The following DDX31 variants were observed in gnomAD, a reference collection of about 807,000 sequenced individuals.
DDX31 encodes DEAD-box helicase 31.
A neutral mutation model predicts 91.3 loss-of-function variants in DDX31; 70 were observed. That is an observed-to-expected ratio of 0.77 (90% confidence interval 0.63 to 0.94). The LOEUF (loss-of-function observed/expected upper bound fraction) is 0.94. Among genes scored for constraint, DDX31 ranks in the 40% least tolerant of loss-of-function variants. The pLI, the probability that DDX31 is intolerant of heterozygous loss-of-function variation, is 0.00. For missense variants in DDX31, 902 were observed against 925.0 expected (o/e 0.98, Z 0.32); for synonymous variants, 362 against 350.6 (o/e 1.03, Z -0.36).
chr9:132,594,903 C>T lies in DDX31; in HGVS notation c.2204G>A (p.Gly735Asp). 1 of 1,614,070 alleles carries T rather than the reference C, an allele frequency of 6.2e-7. No homozygotes were observed. Among genetic ancestry groups the T allele is most frequent in the Non-Finnish European group, 8.5e-7 (1 of 1,180,026 alleles). ...KTLKWRKTQKGVQRDSKTSQK... is the reference protein window; with the variant it reads ...KTLKWRKTQKDVQRDSKTSQK... ...GGAAGTCTTGCTGTCCCGCTGTACACCTTTTTGGGTTTTTCTCCATTTTAA... is the reference window on the plus strand; with the variant it reads ...GGAAGTCTTGCTGTCCCGCTGTACATCTTTTTGGGTTTTTCTCCATTTTAA... The change falls in exon 20 of 20, where the codon GGT (glycine) becomes GAT (aspartate). Residue 735 changes from glycine to aspartate, a missense_variant. Coordinates refer to ENST00000372159, the MANE Select transcript of DDX31 (RefSeq NM_022779.9).
intron 13 of DDX31, among the ~76,000 whole-genome samples, chr9:132,645,153 C>T (rs1408912295): frequency 6.6e-6 from 1 of 152,166 alleles, no homozygotes; most frequent in Non-Finnish European, 1.5e-5. Flanking sequence ...GGCAAAATGG[C>T]TCCTATTTCG....
intron 16 of DDX31, among the ~76,000 whole-genome samples, chr9:132,628,440 T>C (rs1247290579): frequency 3.3e-5 from 5 of 152,002 alleles, no homozygotes; most frequent in African/African-American, 9.7e-5. Flanking sequence ...GACAAGATCA[T>C]CACAGCAGAT....
At chr9:132,617,681 A>G (rs935633109) in intron 18 of DDX31, among the ~76,000 whole-genome samples, 5 of 152,174 alleles carry the variant, frequency 3.3e-5, no homozygotes, top group African/African-American at 1.2e-4. Flanking sequence ...TGGCCAAGAC[A>G]TCCCATGATA....
At position 132,594,511 on chromosome 9, in the gene DDX31, A is replaced by G. The variant is rs1830335386; in HGVS notation, c.*355T>C. The stretch of plus-strand genomic sequence containing the variant: ...CAGAACACAGTTAAGGGCAGCAATC[A>G]AGCCCGTTCCAGGCTGACGCGCAGG... On this transcript the variant is annotated 3_prime_UTR_variant, in exon 20 of 20. Coordinates refer to ENST00000372159, the MANE Select transcript of DDX31 (RefSeq NM_022779.9). 1 of 214,382 alleles carries G rather than the reference A, an allele frequency of 4.7e-6. No individual in the cohort carries two copies. Among genetic ancestry groups the G allele is most frequent in the Non-Finnish European group, 9.4e-6 (1 of 106,492 alleles). 13.3% of individuals were successfully genotyped at this position (214,382 alleles called of 1,614,324 possible).
At chr9:132,601,190 A>C (rs1401250164) in intron 19 of DDX31, among the ~76,000 whole-genome samples, 1 of 152,198 alleles carries the variant, frequency 6.6e-6, no homozygotes, top group Non-Finnish European at 1.5e-5. Context: ...CATGTCTACC[A>C]CATCTGCAGG....
At chr9:132,637,585 C>CA (rs1023658829) in intron 14 of DDX31, among the ~76,000 whole-genome samples, 2 of 152,210 alleles carry the variant, frequency 1.3e-5, no homozygotes, top group Non-Finnish European at 2.9e-5. Flanking sequence ...GACGCCTTCC[C>CA]GGCCTGCCAA....
In DDX31 at chr9:132,595,233, G is replaced by T; in HGVS notation, c.1995-121C>A. The T allele has an allele frequency of 8.3e-7, 1 of 1,201,694 alleles. No homozygotes were observed. Among genetic ancestry groups the T allele is most frequent in the Non-Finnish European group, 1.1e-6 (1 of 871,098 alleles). 74.4% of individuals were successfully genotyped at this position (1,201,694 alleles called of 1,614,324 possible). On this transcript the variant is annotated intron_variant, in intron 19 of 19. Coordinates refer to ENST00000372159, the MANE Select transcript of DDX31 (RefSeq NM_022779.9). The surrounding 1 kb of genome is among the most constrained non-coding windows in gnomAD (Gnocchi z 4.6). ...AGCTGACATTTTTGTATTAACAGAA[G>T]TACAATCCCTTCAATAGTACTTGTT...
chr9:132,632,272 A>ACACACACACACACACACACACAGTCCTG (rs1832827853), intron 14 of DDX31, among the ~76,000 whole-genome samples, 181 bp from the exon 15 acceptor site: 1 of 146,716 alleles, frequency 6.8e-6, no homozygotes, highest in Non-Finnish European at 1.5e-5. Context: ...ACACACACAC[A>ACACACACACACACACACACACAGTCCTG]CACACACACA....
rs1320188562 is a variant in DDX31, at chr9:132,642,140, C to CT, written c.1381-78dup. The stretch of plus-strand genomic sequence containing the variant: ...AAGGTAGGCTTACATCTCCCTAGCT[C>CT]TCTCCATCTCCTACTGCTAGAGCTA... On this transcript the variant is annotated intron_variant, in intron 13 of 19. Transcript: ENST00000372159. The CT allele has an allele frequency of 2.4e-6, 3 of 1,267,250 alleles. No homozygotes were observed. The Admixed American group carries it at 5.3e-5, about 22-fold the overall frequency. 78.5% of individuals were successfully genotyped at this position (1,267,250 alleles called of 1,614,324 possible). A position where few individuals can be genotyped will look rare whatever the true frequency, so the allele number is the denominator to read the frequency against.
chr9:132,643,012 C>T (rs759143555), intron 13 of DDX31, among the ~76,000 whole-genome samples: 4 of 152,166 alleles, frequency 2.6e-5, no homozygotes, highest in African/African-American at 4.8e-5. Flanking sequence ...TCTGAAGAGA[C>T]GAGGTTTTGC....
chr9:132,622,270 A>C (rs544766219), intron 17 of DDX31, among the ~76,000 whole-genome samples: 2 of 151,206 alleles, frequency 1.3e-5, no homozygotes, highest in Non-Finnish European at 3.0e-5. Context: ...ACTCAAACTC[A>C]TATCTATCTG....
chr9:132,639,280 C>T (rs306533), intron 14 of DDX31, among the ~76,000 whole-genome samples: 1,878 of 152,160 alleles, frequency 0.012, 33 homozygotes, highest in African/African-American at 0.036. Flanking sequence ...GACTGGGAAC[C>T]GGCCCTCCTG....
In DDX31 at chr9:132,613,300, A is replaced by G. The variant is rs553579487; in HGVS notation, c.1826-1045T>C. On this transcript the variant is annotated intron_variant, in intron 18 of 19. Transcript: ENST00000372159. ...AATGAAACAAATGTTTAAAGGAGAA[A>G]GAAAACTACTAAGTCTCTAAAATAG... Among the ~76,000 whole-genome samples the G allele has an allele frequency of 1.3e-3, 195 of 152,414 alleles. 1 individual carries two copies. Among genetic ancestry groups the G allele is most frequent in the Middle Eastern group, 3.4e-3 (1 of 294 alleles).
At chr9:132,640,262 G>A (rs1488339401) in intron 14 of DDX31, among the ~76,000 whole-genome samples, 2 of 152,122 alleles carry the variant, frequency 1.3e-5, no homozygotes, top group Non-Finnish European at 2.9e-5. Context: ...TAAAATTTAA[G>A]GGGAGACCTA....
intron 4 of DDX31, among the ~76,000 whole-genome samples, chr9:132,660,206 G>A (rs925917176): frequency 3.9e-5 from 6 of 151,918 alleles, no homozygotes; most frequent in Middle Eastern, 3.4e-3. Context: ...GTGATGGCAC[G>A]CACTTGTAAT....
chr9:132,665,890 C>A (rs1355365166), intron 1 of DDX31, among the ~76,000 whole-genome samples: 1 of 152,190 alleles, frequency 6.6e-6, no homozygotes, highest in East Asian at 1.9e-4. Context: ...GTCCCAGAAT[C>A]ACTGAAGGAA....
chr9:132,616,207 C>T (rs138013173), intron 18 of DDX31, among the ~76,000 whole-genome samples: 66 of 152,206 alleles, frequency 4.3e-4, no homozygotes, highest in Non-Finnish European at 7.4e-4. Context: ...CTGTAAGAGG[C>T]GGTGTTGTCC....
chr9:132,646,972 C>T lies in DDX31; in HGVS notation c.1054G>A (p.Asp352Asn), dbSNP rs1833878197. ...GGACAGACCTCCTGGACCGCTTTGT[C>T]CTTTGGGTTCAACTGGTCATGGCTC... ...DKSHDQLNPK[D>N]KAVQEVCPPP... Residue 352 changes from aspartate to asparagine, a missense_variant, in exon 12 of 20, where the codon GAC becomes AAC. By Grantham distance (23) the Asp-to-Asn change is conservative. Transcript: ENST00000372159. 1.2e-6 allele frequency: 2 copies of T among 1,614,068 alleles called. No individual in the cohort carries two copies. Among genetic ancestry groups the T allele is most frequent in the African/African-American group, 1.3e-5 (1 of 74,918 alleles).
chr9:132,612,236 T>C lies in DDX31; in HGVS notation c.1845A>G (p.Gln615=), dbSNP rs966568781. ...WAKKALQSFI[Q]AYATYPRELK... is the part of the protein sequence containing the mutation. ...GCTCCCTGGGGTAGGTGGCGTAGGCTTGGATGAAGGACTGCAGAGCTGAAA... is the reference window on the plus strand; with the variant it reads ...GCTCCCTGGGGTAGGTGGCGTAGGCCTGGATGAAGGACTGCAGAGCTGAAA... The change falls in exon 19 of 20, where the codon CAA becomes CAG. Residue 615 remains glutamine, a synonymous_variant. Coordinates refer to ENST00000372159, the MANE Select transcript of DDX31 (RefSeq NM_022779.9). 29 of 1,613,942 alleles carry C rather than the reference T, an allele frequency of 1.8e-5. No individual in the cohort carries two copies. In the African/African-American group the frequency reaches 3.2e-4, roughly 18 times the overall value.
Sources: gnomAD v4.1 joint callset for allele counts (sites outside exome capture counted in the v4.1 genomes callset) on GRCh38, gnomAD v4.1.1 for gene constraint, Gnocchi (gnomAD v3.1) non-coding constraint, MANE v1.5 for transcripts, NCBI Gene and HGNC (gene_info 2026-07-23, HGNC 2026-07-21) for gene names.